MYC: variants seen among roughly 807,000 people sequenced by gnomAD.
The protein encoded by MYC is myc proto-oncogene protein.
MYC carries 1 observed loss-of-function variant against 30.5 expected under a neutral mutation model. The ratio of observed to expected loss-of-function variants is 0.03; its 90% CI spans 0.01 to 0.16. MYC has a LOEUF of 0.16. MYC is among the 10% of genes least tolerant of loss of function. The pLI is 1.00. For synonymous variants in MYC, 267 were observed against 250.7 expected, an observed-to-expected ratio of 1.07 and a Z score of -0.62; for missense variants, 508 against 589.0, an observed-to-expected ratio of 0.86 and a Z score of 1.42.
Position 127,738,321 on chromosome 8 carries a change from A to G in MYC, c.104A>G (p.Gln35Arg). The G allele has an allele frequency of 6.2e-7, 1 of 1,613,936 alleles. No individual in the cohort carries two copies. The highest frequency in any genetic ancestry group is 8.5e-7 in the Non-Finnish European group (1 of 1,179,854). ...TATGACCTCGACTACGACTCGGTGC[A>G]GCCGTATTTCTACTGCGACGAGGAG... Residue 35 changes from glutamine (Q) to arginine (R), a missense_variant, in exon 2 of 3, where the codon CAG becomes CGG. Physicochemically the swap from Gln to Arg is conservative, Grantham distance 43. Around this residue, in one of 5 missense-constraint regions of MYC, gnomAD observed 70 missense variants for 84.5 expected, o/e 0.83. Transcript: ENST00000621592. The surrounding 1 kb of genome is among the most constrained non-coding windows in gnomAD (Gnocchi z 7.6).
At chr8:127,739,710 A>G (rs542485904) in intron 2 of MYC, among the ~76,000 whole-genome samples, 1 of 151,546 alleles carries the variant, frequency 6.6e-6, no homozygotes, top group South Asian at 2.1e-4. Context: ...CTAAAGTCAT[A>G]CCAAGCAATT....
In MYC at chr8:127,738,340, C is replaced by A. The variant is rs1563757581; in HGVS notation, c.123C>A (p.Asp41Glu). ...CGGTGCAGCCGTATTTCTACTGCGA[C>A]GAGGAGGAGAACTTCTACCAGCAGC... is the stretch of plus-strand genomic sequence containing the variant. The change falls in exon 2 of 3, where the codon GAC becomes GAA. Residue 41 changes from aspartate (D) to glutamate (E), a missense_variant. By Grantham distance (45) the Asp-to-Glu change is conservative. Coordinates refer to ENST00000621592, the MANE Select transcript of MYC (RefSeq NM_002467.6). The surrounding 1 kb of genome is among the most constrained non-coding windows in gnomAD (Gnocchi z 7.6). 1 of 1,614,152 alleles carries A rather than the reference C, an allele frequency of 6.2e-7. No individual in the cohort carries two copies. The highest frequency in any genetic ancestry group is 1.7e-5 in the Admixed American group (1 of 60,030).
At chr8:127,739,064 A>G (rs773796768) in intron 2 of MYC, 45 bp downstream of exon 2, 106 of 1,436,254 alleles carry the variant, frequency 7.4e-5, no homozygotes, top group Non-Finnish European at 8.7e-5. Flanking sequence ...GCGGCTGGAT[A>G]CCTTTCCCAT....
rs774015583 is a variant in MYC at position 127,740,988 on chromosome 8, C to T, written c.*30C>T. 2.4e-5 allele frequency: 36 copies of T among 1,517,506 alleles called. No individual in the cohort carries two copies. The highest frequency in any genetic ancestry group is 1.5e-4 in the African/African-American group (11 of 71,750). 94.0% of individuals were successfully genotyped at this position (1,517,506 alleles called of 1,614,324 possible). On this transcript the variant is annotated 3_prime_UTR_variant, in exon 3 of 3. Coordinates refer to ENST00000621592, the MANE Select transcript of MYC (RefSeq NM_002467.6). Reference sequence around the variant, plus strand: ...AAGTAAGGAAAACGATTCCTTCTAACAGAAATGTCCTGAGCAATCACCTAT... The same window carrying T: ...AAGTAAGGAAAACGATTCCTTCTAATAGAAATGTCCTGAGCAATCACCTAT...
rs1318751897 is a variant in MYC at position 127,736,397 on chromosome 8, A to G, written c.-197A>G. On this transcript the variant is annotated 5_prime_UTR_variant, in exon 1 of 3. Transcript: ENST00000621592. ...CAGCCCTCCCGCTGATCCCCCAGCCAGCGGTCCGCAACCCTTGCCGCATCC... is the reference window on the plus strand; with the variant it reads ...CAGCCCTCCCGCTGATCCCCCAGCCGGCGGTCCGCAACCCTTGCCGCATCC... The G allele has an allele frequency of 8.0e-6, 5 of 621,326 alleles. No homozygotes were observed. The highest frequency in any genetic ancestry group is 1.4e-5 in the Non-Finnish European group (5 of 353,314). 38.5% of individuals were successfully genotyped at this position (621,326 alleles called of 1,614,324 possible).
intron 2 of MYC, among the ~76,000 whole-genome samples, 193 bp from the exon 3 acceptor site, chr8:127,740,203 T>G (rs1466518799): frequency 1.3e-5 from 2 of 152,086 alleles, no homozygotes; most frequent in Non-Finnish European, 2.9e-5. Flanking sequence ...TCCGCCCACC[T>G]CGGCCTCCCA....
rs1399116825 is a variant in MYC, at chr8:127,736,259, C to T, written c.-335C>T. ...TCGCTGTAGTAATTCCAGCGAGAGG[C>T]AGAGGGAGCGAGCGGGCGGCCGGCT... On this transcript the variant is annotated 5_prime_UTR_variant, in exon 1 of 3. Coordinates refer to ENST00000621592, the MANE Select transcript of MYC (RefSeq NM_002467.6). 5.5e-6 allele frequency: 3 copies of T among 541,906 alleles called. No individual in the cohort carries two copies. The highest frequency in any genetic ancestry group is 9.7e-6 in the Non-Finnish European group (3 of 308,614). 33.6% of individuals were successfully genotyped at this position (541,906 alleles called of 1,614,324 possible). A position where few individuals can be genotyped will look rare whatever the true frequency, so the allele number is the denominator to read the frequency against.
Position 127,738,057 on chromosome 8 carries a change from C to A in MYC, c.31-191C>A, listed in dbSNP as rs1412273225. Among the ~76,000 whole-genome samples, 1 of 152,140 alleles carries A rather than the reference C, an allele frequency of 6.6e-6. No individual in the cohort carries two copies. Among genetic ancestry groups the A allele is most frequent in the Non-Finnish European group, 1.5e-5 (1 of 68,012 alleles). On this transcript the variant is annotated intron_variant, in intron 1 of 2. Transcript: ENST00000621592. This position sits in a 1 kb window ranked among gnomAD's most constrained non-coding sequence, Gnocchi z 7.6. ...TTCACTAAGTGCGTCTCCGAGATAG[C>A]AGGGGACTGTCCAAAGGGGGTGAAA...
chr8:127,741,924 T>A lies in MYC; in HGVS notation c.*966T>A, dbSNP rs186425113. ...GTTATCTCGCAAACCCCAGAGGATC[T>A]CTGGGAGGAATGCTACTATTAACCC... On this transcript the variant is annotated 3_prime_UTR_variant, in exon 3 of 3. Coordinates refer to ENST00000621592, the MANE Select transcript of MYC (RefSeq NM_002467.6). 1.1e-3 allele frequency among the ~76,000 whole-genome samples: 164 copies of A among 152,306 alleles called. 1 individual carries two copies. Among genetic ancestry groups the A allele is most frequent in the Admixed American group, 1.9e-3 (29 of 15,310 alleles).
rs1179956021 is a variant in MYC at position 127,741,344 on chromosome 8, AAGT to A, written c.*388_*390del. 4.3e-6 allele frequency: 1 copy of A among 234,748 alleles called. No homozygotes were observed. The highest frequency in any genetic ancestry group is 2.2e-5 in the African/African-American group (1 of 45,348). 14.5% of individuals were successfully genotyped at this position (234,748 alleles called of 1,614,324 possible). The stretch of plus-strand genomic sequence containing the variant: ...CTATAAACCCTAATTTTTTTTATTT[AAGT>A]ACATTTTGCTTTTTAAAGTTGATTT... On this transcript the variant is annotated 3_prime_UTR_variant, in exon 3 of 3. Transcript: ENST00000621592.
In MYC at chr8:127,741,884, C is replaced by T. The variant is rs1303073506; in HGVS notation, c.*926C>T. On this transcript the variant is annotated 3_prime_UTR_variant, in exon 3 of 3. Transcript: ENST00000621592. ...TTCTGCTGCCTTCACAACCAGGCGC[C>T]AGTCCTGTCCATGGGTTATCTCGCA... Among the ~76,000 whole-genome samples, 1 of 152,210 alleles carries T rather than the reference C, an allele frequency of 6.6e-6. No individual in the cohort carries two copies. Among genetic ancestry groups the T allele is most frequent in the Non-Finnish European group, 1.5e-5 (1 of 68,042 alleles).
Position 127,738,157 on chromosome 8 carries a change from G to A in MYC, c.31-91G>A, listed in dbSNP as rs1240023934. On this transcript the variant is annotated intron_variant, in intron 1 of 2. Coordinates refer to ENST00000621592, the MANE Select transcript of MYC (RefSeq NM_002467.6). The surrounding 1 kb of genome is among the most constrained non-coding windows in gnomAD (Gnocchi z 7.6). The stretch of plus-strand genomic sequence containing the variant: ...TAGCTCTGCAAGGGGAGAGGTTCGG[G>A]ACTGTGGCGCGCACTGCGCGCTGCG... The A allele has an allele frequency of 2.1e-6, 3 of 1,458,952 alleles. No homozygotes were observed. Among genetic ancestry groups the A allele is most frequent in the African/African-American group, 2.8e-5 (2 of 70,674 alleles). The allele number at this position is 1,458,952 out of a possible 1,614,324, so 90.4% of individuals were successfully genotyped here.
At position 127,741,746 on chromosome 8, in the gene MYC, T is replaced by C. The variant is rs1051930848; in HGVS notation, c.*788T>C. On this transcript the variant is annotated 3_prime_UTR_variant, in exon 3 of 3. Transcript: ENST00000621592. The stretch of plus-strand genomic sequence containing the variant: ...CAAAGAGGCATAAGGACTGGGGAGT[T>C]GGGAGGAAGGTGAGGAAGAAACTCC... Among the ~76,000 whole-genome samples the C allele has an allele frequency of 6.6e-6, 1 of 152,136 alleles. No homozygotes were observed. Among genetic ancestry groups the C allele is most frequent in the Non-Finnish European group, 1.5e-5 (1 of 68,018 alleles).
Position 127,742,677 on chromosome 8 carries a change from C to T in MYC, c.*1719C>T, listed in dbSNP as rs1468381800. Among the ~76,000 whole-genome samples the T allele has an allele frequency of 6.6e-6, 1 of 152,190 alleles. No individual in the cohort carries two copies. Among genetic ancestry groups the T allele is most frequent in the Non-Finnish European group, 1.5e-5 (1 of 68,038 alleles). ...ATGGGAGTCATTATTTTAGAAACTA[C>T]AAACTCTCCTTGCTTCCATCCTTTT... On this transcript the variant is annotated 3_prime_UTR_variant, in exon 3 of 3. Coordinates refer to ENST00000621592, the MANE Select transcript of MYC (RefSeq NM_002467.6).
rs562624244 is a variant in MYC at position 127,741,369 on chromosome 8, ATT to A, written c.*417_*418del. ...AAGTACATTTTGCTTTTTAAAGTTG[ATT>A]TTTTTCTATTGTTTTTAGAAAAAAT... On this transcript the variant is annotated 3_prime_UTR_variant, in exon 3 of 3. Coordinates refer to ENST00000621592, the MANE Select transcript of MYC (RefSeq NM_002467.6). 4.3e-6 allele frequency: 1 copy of A among 230,602 alleles called. No homozygotes were observed. The highest frequency in any genetic ancestry group is 2.2e-5 in the African/African-American group (1 of 45,206). 14.3% of individuals were successfully genotyped at this position (230,602 alleles called of 1,614,324 possible).
chr8:127,737,740 G>C lies in MYC; in HGVS notation c.31-508G>C, dbSNP rs905554573. ...GTTGGGAGGGGCTGCGGTGCCGGCG[G>C]GGGTAGGAGAGCGGCTAGGGCGCGA... On this transcript the variant is annotated intron_variant, in intron 1 of 2. Coordinates refer to ENST00000621592, the MANE Select transcript of MYC (RefSeq NM_002467.6). 3.3e-5 allele frequency among the ~76,000 whole-genome samples: 5 copies of C among 152,272 alleles called. No individual in the cohort carries two copies. The East Asian group carries it at 5.8e-4, about 18-fold the overall frequency.
intron 1 of MYC, among the ~76,000 whole-genome samples, chr8:127,737,087 G>A (rs926789693): frequency 6.6e-6 from 1 of 152,226 alleles, no homozygotes; most frequent in Admixed American, 6.5e-5. Context: ...GTCTCCGGGA[G>A]GGCATTTAAA....
In MYC at chr8:127,740,460, C is replaced by G; in HGVS notation, c.867C>G (p.Gly289=). The G allele has an allele frequency of 6.2e-7, 1 of 1,614,022 alleles. No homozygotes were observed. Among genetic ancestry groups the G allele is most frequent in the Non-Finnish European group, 8.5e-7 (1 of 1,179,998 alleles). Residue 289 remains glycine, a synonymous_variant, in exon 3 of 3, where the codon GGC becomes GGG. Transcript: ENST00000621592. ...CTGTGGAAAAGAGGCAGGCTCCTGG[C>G]AAAAGGTCAGAGTCTGGATCACCTT... is the stretch of plus-strand genomic sequence containing the variant.
At position 127,742,101 on chromosome 8, in the gene MYC, T is replaced by C. The variant is rs146363336; in HGVS notation, c.*1143T>C. 6.6e-6 allele frequency among the ~76,000 whole-genome samples: 1 copy of C among 152,366 alleles called. No homozygotes were observed. Among genetic ancestry groups the C allele is most frequent in the African/African-American group, 2.4e-5 (1 of 41,594 alleles). On this transcript the variant is annotated 3_prime_UTR_variant, in exon 3 of 3. Transcript: ENST00000621592. ...CTTGGTTCATCTGGGTCTAATGTGC[T>C]GAGATCAAGAAGGTTTAGGACCTAA...
Sources: allele counts gnomAD v4.1 joint callset (sites outside exome capture counted in the v4.1 genomes callset), GRCh38; gene constraint gnomAD v4.1.1; regional missense constraint gnomAD v4.1.1; non-coding constraint Gnocchi (gnomAD v3.1); transcripts MANE v1.5; gene names NCBI Gene and HGNC (gene_info 2026-07-23, HGNC 2026-07-21).